STAG1: variants seen among roughly 807,000 people sequenced by gnomAD.
STAG1 encodes cohesin subunit SA-1.
A neutral mutation model predicts 170.9 loss-of-function variants in STAG1; 26 were observed. The observed-to-expected ratio is 0.15, with a 90% CI of 0.11 to 0.21. The LOEUF is 0.21. Among genes scored for constraint, STAG1 ranks in the 10% least tolerant of loss-of-function variants. The probability of loss-of-function intolerance (pLI) is 1.00; values close to 1 mark genes in which losing one functional copy is unlikely to be tolerated. For synonymous variants in STAG1, 514 were observed against 497.7 expected (o/e 1.03, Z -0.44); for missense variants, 964 against 1,509.5 (o/e 0.64, Z 5.99).
intron 10 of STAG1, among the ~76,000 whole-genome samples, chr3:136,475,377 C>T (rs1002162527): frequency 2.0e-5 from 3 of 152,028 alleles, no homozygotes; most frequent in African/African-American, 7.2e-5. Flanking sequence ...GAACTCCTGA[C>T]CTCAGGTGAT....
chr3:136,578,478 T>G (rs1937524536), intron 4 of STAG1, among the ~76,000 whole-genome samples: 1 of 152,158 alleles, frequency 6.6e-6, no homozygotes, highest in Non-Finnish European at 1.5e-5. Flanking sequence ...CTCACCAGTC[T>G]CCAGACCTGT....
At position 136,547,734 on chromosome 3, in the gene STAG1, T is replaced by C. The variant is rs553867225; in HGVS notation, c.395-5539A>G. On this transcript the variant is annotated intron_variant, in intron 5 of 33. Coordinates refer to ENST00000383202, the MANE Select transcript of STAG1 (RefSeq NM_005862.3). ...TATATACTGCATTTTATTTATCCATTCATCCATCCATCCACAGACACTTTT... is the reference window on the plus strand; with the variant it reads ...TATATACTGCATTTTATTTATCCATCCATCCATCCATCCACAGACACTTTT... Among the ~76,000 whole-genome samples, 42 of 152,352 alleles carry C rather than the reference T, an allele frequency of 2.8e-4. No homozygotes were observed. The East Asian group carries it at 7.5e-3, about 27-fold the overall frequency.
rs749128922 is a variant in STAG1, at chr3:136,369,214, G to A, written c.2439C>T (p.Gly813=). Residue 813 remains glycine (G), a synonymous_variant, in exon 24 of 34, where the codon GGC becomes GGT. Coordinates refer to ENST00000383202, the MANE Select transcript of STAG1 (RefSeq NM_005862.3). ...CTGGATTGAACACCAAAGGCTGAAG[G>A]CCCTCTCTGCCACCTGTCATTAATT... ...SHQLMTGGRE[G]LQPLVFNPDT... 3 of 1,604,782 alleles carry A rather than the reference G, an allele frequency of 1.9e-6. No homozygotes were observed. The South Asian group carries it at 3.4e-5, about 18-fold the overall frequency.
chr3:136,438,104 T>C (rs754676140), intron 15 of STAG1, among the ~76,000 whole-genome samples: 1 of 152,214 alleles, frequency 6.6e-6, no homozygotes, highest in Non-Finnish European at 1.5e-5. Context: ...CATTGGCTCA[T>C]TATGTTCCAG....
At chr3:136,471,964 A>G (rs1038230812) in intron 12 of STAG1, among the ~76,000 whole-genome samples, 1 of 152,098 alleles carries the variant, frequency 6.6e-6, no homozygotes, top group African/African-American at 2.4e-5. Flanking sequence ...TAGCCTCCTA[A>G]GTAGCTAGGA....
chr3:136,426,401 C>T (rs2088126065), intron 16 of STAG1, among the ~76,000 whole-genome samples: 1 of 152,026 alleles, frequency 6.6e-6, no homozygotes, highest in Admixed American at 6.6e-5. Context: ...AATAGCGAGA[C>T]TCCGTCTCAA....
intron 6 of STAG1, among the ~76,000 whole-genome samples, chr3:136,535,413 A>T (rs1411526603): frequency 6.6e-6 from 1 of 152,274 alleles, no homozygotes; most frequent in African/African-American, 2.4e-5. Context: ...CTGTGATCCC[A>T]GCACACAGGA....
At chr3:136,408,867 G>A (rs1279552529) in intron 21 of STAG1, among the ~76,000 whole-genome samples, 2 of 152,112 alleles carry the variant, frequency 1.3e-5, no homozygotes, top group African/African-American at 4.8e-5. Context: ...TATGATCAAG[G>A]AATAATCAGA....
intron 9 of STAG1, among the ~76,000 whole-genome samples, chr3:136,498,249 T>TATATAA: frequency 1.4e-5 from 1 of 73,678 alleles, no homozygotes; most frequent in South Asian, 4.4e-4. Flanking sequence ...TACATATACA[T>TATATAA]ACACACACAC....
At chr3:136,657,677 C>A (rs2107862124) in intron 1 of STAG1, among the ~76,000 whole-genome samples, 1 of 152,158 alleles carries the variant, frequency 6.6e-6, no homozygotes, top group African/African-American at 2.4e-5. Context: ...CAAAAATGAG[C>A]CAGGCATGAT....
intron 5 of STAG1, among the ~76,000 whole-genome samples, chr3:136,558,876 T>G (rs930928116): frequency 1.3e-5 from 2 of 152,212 alleles, no homozygotes; most frequent in African/African-American, 4.8e-5. Flanking sequence ...ATGGGAAATA[T>G]AAATTAACTG....
chr3:136,658,813 T>C (rs1230880069), intron 1 of STAG1, among the ~76,000 whole-genome samples: 1 of 152,226 alleles, frequency 6.6e-6, no homozygotes, highest in Non-Finnish European at 1.5e-5. Context: ...TATATGTTAC[T>C]GTGCCATTTT....
At chr3:136,392,177 GAATAT>G (rs776840977) in intron 22 of STAG1, among the ~76,000 whole-genome samples, 1 of 152,034 alleles carries the variant, frequency 6.6e-6, no homozygotes, top group African/African-American at 2.4e-5. Flanking sequence ...CCATTTCTAA[GAATAT>G]AATACAAGAT....
intron 1 of STAG1, among the ~76,000 whole-genome samples, chr3:136,642,148 T>C (rs1265188242): frequency 6.6e-6 from 1 of 152,070 alleles, no homozygotes; most frequent in African/African-American, 2.4e-5. Flanking sequence ...GTCTATCTCT[T>C]GAAGATCAAA....
intron 1 of STAG1, among the ~76,000 whole-genome samples, chr3:136,646,493 T>C (rs982448687): frequency 3.3e-5 from 5 of 152,220 alleles, no homozygotes; most frequent in African/African-American, 7.2e-5. Context: ...CCTCAATCAC[T>C]CTTTATCCTT....
chr3:136,380,889 G>A (rs1462129115), intron 22 of STAG1, among the ~76,000 whole-genome samples: 14 of 151,638 alleles, frequency 9.2e-5, no homozygotes, highest in African/African-American at 3.4e-4. Context: ...GCGTGGTGGT[G>A]GGTGCCTGTA....
At chr3:136,682,277 T>G (rs968864591) in intron 1 of STAG1, among the ~76,000 whole-genome samples, 4 of 151,574 alleles carry the variant, frequency 2.6e-5, no homozygotes, top group African/African-American at 9.7e-5. Context: ...ATACAAAAAT[T>G]AGCCAGGCGT....
intron 1 of STAG1, among the ~76,000 whole-genome samples, chr3:136,647,320 C>T (rs369169646): frequency 2.1e-3 from 318 of 152,296 alleles, no homozygotes; most frequent in African/African-American, 7.3e-3. Context: ...CCTGTAATCC[C>T]AGCACTTTGG....
chr3:136,429,341 A>T lies in STAG1; in HGVS notation c.1650+4215T>A, dbSNP rs561896729. ...AGAATCGCTTGAACCCGGGAGGTGG[A>T]GGTTGCAGTGAGCCCAGATCACGCC... On this transcript the variant is annotated intron_variant, in intron 16 of 33. Coordinates refer to ENST00000383202, the MANE Select transcript of STAG1 (RefSeq NM_005862.3). 6.2e-4 allele frequency among the ~76,000 whole-genome samples: 94 copies of T among 152,288 alleles called. 1 individual carries two copies. Among genetic ancestry groups the T allele is most frequent in the African/African-American group, 1.7e-3 (70 of 41,566 alleles).
Sources: gnomAD v4.1 joint callset for allele counts (sites outside exome capture counted in the v4.1 genomes callset) on GRCh38, gnomAD v4.1.1 for gene constraint, MANE v1.5 for transcripts, NCBI Gene and HGNC (gene_info 2026-07-23, HGNC 2026-07-21) for gene names.